PNKD: variants seen among roughly 807,000 people sequenced by gnomAD.
PNKD encodes PNKD metallo-beta-lactamase domain containing.
PNKD carries 36 observed loss-of-function variants against 45.3 expected under a neutral mutation model. The ratio of observed to expected loss-of-function variants is 0.80; its 90% CI spans 0.61 to 1.05. The LOEUF (loss-of-function observed/expected upper bound fraction) is 1.05. Ranked by LOEUF, PNKD falls within the 50% of genes least tolerant of loss-of-function variation. The probability of loss-of-function intolerance (pLI) is 0.00; values close to 1 mark genes in which losing one functional copy is unlikely to be tolerated. For missense variants in PNKD, 511 were observed against 506.6 expected (o/e 1.01, Z -0.08); for synonymous variants, 197 against 210.1 (o/e 0.94, Z 0.54).
chr2:218,305,006 G>C (rs1257404330), intron 2 of PNKD, among the ~76,000 whole-genome samples: 1 of 152,100 alleles, frequency 6.6e-6, no homozygotes, highest in Non-Finnish European at 1.5e-5. Context: ...CTGGGAGGTA[G>C]AGGTTGCAGT....
chr2:218,283,387 C>T (rs1485823693), intron 2 of PNKD, among the ~76,000 whole-genome samples: 1 of 152,238 alleles, frequency 6.6e-6, no homozygotes, highest in African/African-American at 2.4e-5. Context: ...TATGCCTCCT[C>T]TGCCAGTTAC....
intron 2 of PNKD, among the ~76,000 whole-genome samples, chr2:218,297,679 C>T (rs1395214951): frequency 5.3e-5 from 5 of 94,454 alleles, no homozygotes; most frequent in Non-Finnish European, 1.0e-4. Context: ...AAAAAGACTC[C>T]GTCTCAAAAA....
intron 2 of PNKD, among the ~76,000 whole-genome samples, chr2:218,295,308 C>G (rs1267202660): frequency 6.6e-6 from 1 of 152,170 alleles, no homozygotes; most frequent in Non-Finnish European, 1.5e-5. Flanking sequence ...GCTGAAAGAA[C>G]ACAGCCCCTG....
chr2:218,334,166 C>T (rs1485573069), intron 2 of PNKD, among the ~76,000 whole-genome samples: 1 of 151,846 alleles, frequency 6.6e-6, no homozygotes, highest in Admixed American at 6.6e-5. Flanking sequence ...TCAGACTTGT[C>T]AAAATAGTAT....
At position 218,333,429 on chromosome 2, in the gene PNKD, C is replaced by A. The variant is rs138157426; in HGVS notation, c.237-6354C>A. Among the ~76,000 whole-genome samples, 280 of 152,300 alleles carry A rather than the reference C, an allele frequency of 1.8e-3. 3 individuals carry two copies. The highest frequency in any genetic ancestry group is 6.5e-3 in the African/African-American group (270 of 41,560). On this transcript the variant is annotated intron_variant, in intron 2 of 9. Coordinates refer to ENST00000273077, the MANE Select transcript of PNKD (RefSeq NM_015488.5). Reference sequence around the variant, plus strand: ...TATCACCCCTCCCAGATGTGCATGACCCTGCTCTAGCAGCTGGGAGGACTT... The same window carrying A: ...TATCACCCCTCCCAGATGTGCATGAACCTGCTCTAGCAGCTGGGAGGACTT...
At chr2:218,293,776 T>TTTGG (rs1310693561) in intron 2 of PNKD, among the ~76,000 whole-genome samples, 40 of 81,070 alleles carry the variant, frequency 4.9e-4, no homozygotes, top group African/African-American at 1.9e-3. Context: ...GTTTGTTTTG[T>TTTGG]TTGGTTTGTT....
intron 2 of PNKD, chr2:218,278,057 C>T: frequency 6.7e-7 from 1 of 1,489,324 alleles, no homozygotes; most frequent in Non-Finnish European, 9.3e-7. Context: ...AAGCGCTTGG[C>T]TCCTGTGCCT....
At chr2:218,323,236 C>G in intron 2 of PNKD, 1 of 1,458,428 alleles carries the variant, frequency 6.9e-7, no homozygotes, top group Non-Finnish European at 9.0e-7. Context: ...CAACGCCGAG[C>G]CCCGCCCGGC....
chr2:218,343,050 C>T (rs1411840712), intron 7 of PNKD, among the ~76,000 whole-genome samples: 1 of 152,198 alleles, frequency 6.6e-6, no homozygotes, highest in Non-Finnish European at 1.5e-5. Flanking sequence ...GAATTAGTTT[C>T]CCCTGGGTGG....
chr2:218,293,236 T>C (rs10206064), intron 2 of PNKD, among the ~76,000 whole-genome samples: 95,174 of 152,076 alleles, frequency 0.63, 29,985 homozygotes, highest in African/African-American at 0.69. Context: ...AACCCTCATC[T>C]CAGTGAAGAA....
At chr2:218,323,291 G>A in intron 2 of PNKD, 2 of 1,551,780 alleles carry the variant, frequency 1.3e-6, no homozygotes, top group Non-Finnish European at 1.7e-6. Context: ...GCTGGCCCGC[G>A]GCGTGGCAGT....
chr2:218,282,770 C>T (rs1044077661), intron 2 of PNKD, among the ~76,000 whole-genome samples: 1 of 152,150 alleles, frequency 6.6e-6, no homozygotes, highest in Non-Finnish European at 1.5e-5. Flanking sequence ...TCCAGGGACC[C>T]GGGGGCCAGT....
chr2:218,286,744 G>A (rs1692545182), intron 2 of PNKD: 1 of 152,308 alleles, frequency 6.6e-6, no homozygotes, highest in African/African-American at 2.4e-5. Flanking sequence ...GGAGGCCTGA[G>A]CTACTGGGGT....
rs397972881 is a variant in PNKD, at chr2:218,316,268, C to CTTTTTTTT, written c.237-23503_237-23496dup. Among the ~76,000 whole-genome samples, 67 of 119,576 alleles carry CTTTTTTTT rather than the reference C, an allele frequency of 5.6e-4. 1 individual carries two copies. Among genetic ancestry groups the CTTTTTTTT allele is most frequent in the African/African-American group, 7.5e-4 (23 of 30,854 alleles). 78.4% of individuals were successfully genotyped at this position (119,576 alleles called of 152,430 possible). On this transcript the variant is annotated intron_variant, in intron 2 of 9. Transcript: ENST00000273077. ...CAAGGGAAGATTTTTTTCTTTCTTT[C>CTTTTTTTT]TTTTTTTTTTTTTTTTTTTGAGACA...
chr2:218,279,030 ACACT>A, intron 2 of PNKD: 1 of 1,614,144 alleles, frequency 6.2e-7, no homozygotes, highest in Non-Finnish European at 8.5e-7. Context: ...AGAGGAGCAC[ACACT>A]CACTAGGACA....
At chr2:218,336,183 C>G (rs566098794) in intron 2 of PNKD, among the ~76,000 whole-genome samples, 1 of 129,770 alleles carries the variant, frequency 7.7e-6, no homozygotes, top group South Asian at 2.5e-4. Flanking sequence ...CCACTGCACT[C>G]CAGCACGGTG....
In PNKD at chr2:218,284,962, C is replaced by T. The variant is rs527500167; in HGVS notation, c.236+13413C>T. ...AAAATTAGCTGGGCATGGCAGCAGG[C>T]GCCTAGAATCCCAGTTACTCGGGAG... On this transcript the variant is annotated intron_variant, in intron 2 of 9. Transcript: ENST00000273077. 6.4e-4 allele frequency among the ~76,000 whole-genome samples: 98 copies of T among 152,242 alleles called. No individual in the cohort carries two copies. In the Middle Eastern group the frequency reaches 0.01, roughly 16 times the overall value.
rs780609587 is a variant in PNKD, at chr2:218,271,479, C to G, written c.166C>G (p.Leu56Val). ...SPEGKEEPEP[L>V]SPELEYIPRK... is the part of the protein sequence containing the mutation. The stretch of plus-strand genomic sequence containing the variant: ...AGAGGGCAAGGAGGAACCTGAACCC[C>G]TATCCCCGGAGCTGGAATACATTCC... Residue 56 changes from leucine (L) to valine (V), a missense_variant, in exon 2 of 10, where the codon CTA (leucine) becomes GTA (valine). Coordinates refer to ENST00000273077, the MANE Select transcript of PNKD (RefSeq NM_015488.5). 1 of 1,614,184 alleles carries G rather than the reference C, an allele frequency of 6.2e-7. No homozygotes were observed. Among genetic ancestry groups the G allele is most frequent in the South Asian group, 1.1e-5 (1 of 91,088 alleles).
Position 218,338,226 on chromosome 2 carries a change from C to CGAGGCAGGCGGATCACCT in PNKD, c.237-1556_237-1539dup, listed in dbSNP as rs552705195. On this transcript the variant is annotated intron_variant, in intron 2 of 9. Transcript: ENST00000273077. ...CTGTAATCCCAGCACTTTGAAAGGC[C>CGAGGCAGGCGGATCACCT]GAGGCAGGCGGATCACCTAAGGTCA... is the stretch of plus-strand genomic sequence containing the variant. Among the ~76,000 whole-genome samples, 155 of 152,030 alleles carry CGAGGCAGGCGGATCACCT rather than the reference C, an allele frequency of 1.0e-3. 1 individual carries two copies. In the East Asian group the frequency reaches 0.028, roughly 27 times the overall value.
Sources: allele counts gnomAD v4.1 joint callset (sites outside exome capture counted in the v4.1 genomes callset), GRCh38; gene constraint gnomAD v4.1.1; transcripts MANE v1.5; gene names NCBI Gene and HGNC (gene_info 2026-07-23, HGNC 2026-07-21).